The following EPSTI1 variants were observed in gnomAD, a reference collection of about 807,000 sequenced individuals.
The protein encoded by EPSTI1 is epithelial-stromal interaction protein 1.
EPSTI1 carries 66 observed loss-of-function variants against 49.9 expected under a neutral mutation model. The ratio of observed to expected loss-of-function variants is 1.32; its 90% CI spans 1.08 to 1.62. The LOEUF is 1.62. EPSTI1 is among the 40% of genes most tolerant of loss of function. The pLI, the probability that EPSTI1 is intolerant of heterozygous loss-of-function variation, is 0.00. For synonymous variants in EPSTI1, 137 were observed against 130.7 expected, an observed-to-expected ratio of 1.05 and a Z score of -0.33; for missense variants, 394 against 365.5, an observed-to-expected ratio of 1.08 and a Z score of -0.64.
At chr13:42,948,839 A>T (rs921223899) in intron 6 of EPSTI1, among the ~76,000 whole-genome samples, 1 of 152,226 alleles carries the variant, frequency 6.6e-6, no homozygotes, top group African/African-American at 2.4e-5. Flanking sequence ...TTTTAAAACC[A>T]TATGAATATA....
intron 8 of EPSTI1, 34 bp from the exon 9 acceptor site, chr13:42,900,417 C>T (rs1428008665): frequency 6.3e-7 from 1 of 1,590,444 alleles, no homozygotes; most frequent in Non-Finnish European, 8.6e-7. Flanking sequence ...ATATGGTTTT[C>T]AATTAACACA....
intron 7 of EPSTI1, among the ~76,000 whole-genome samples, chr13:42,919,057 T>C (rs1042034168): frequency 1.3e-5 from 2 of 152,214 alleles, no homozygotes; most frequent in Non-Finnish European, 2.9e-5. Context: ...AATATTTAGT[T>C]AAAGCAAAAT....
intron 1 of EPSTI1, among the ~76,000 whole-genome samples, chr13:42,976,929 T>C (rs142211345): frequency 4.6e-5 from 7 of 152,356 alleles, no homozygotes; most frequent in African/African-American, 1.4e-4. Flanking sequence ...CCTGCTTTCA[T>C]TTATAAGTGG....
intron 6 of EPSTI1, among the ~76,000 whole-genome samples, chr13:42,936,127 T>G (rs1237358712): frequency 1.3e-5 from 2 of 152,192 alleles, no homozygotes; most frequent in African/African-American, 4.8e-5. Context: ...GCATTGGTTA[T>G]GTATACTCAG....
chr13:42,942,261 G>A (rs1350368484), intron 6 of EPSTI1, among the ~76,000 whole-genome samples: 1 of 152,086 alleles, frequency 6.6e-6, no homozygotes, highest in Non-Finnish European at 1.5e-5. Context: ...GGCAATCCAA[G>A]AGCTTTTATT....
At chr13:42,921,744 G>A (rs1463952088) in intron 7 of EPSTI1, among the ~76,000 whole-genome samples, 1 of 152,100 alleles carries the variant, frequency 6.6e-6, no homozygotes, top group Non-Finnish European at 1.5e-5. Context: ...GGTGAATCCA[G>A]TGTGCAGAGG....
chr13:42,992,101 CG>C lies in EPSTI1; in HGVS notation c.64del (p.Arg22GlyfsTer13), dbSNP rs778611808. ...CCGCCCAGAAGGGTCCTGGGGATCC[CG>C]GGTCGGGCGGGAGGCAGGGGAGGCG... ...LGASPASRPT[R>X]DPQDPSGRQG... On this transcript the variant is annotated frameshift_variant, in exon 1 of 11. Coordinates refer to ENST00000313624, the MANE Select transcript of EPSTI1 (RefSeq NM_033255.5). LOFTEE classifies it high-confidence loss of function. 3.7e-6 allele frequency: 6 copies of C among 1,611,738 alleles called. No homozygotes were observed. The highest frequency in any genetic ancestry group is 4.2e-6 in the Non-Finnish European group (5 of 1,179,342).
intron 1 of EPSTI1, among the ~76,000 whole-genome samples, chr13:42,974,343 A>C (rs1241148205): frequency 6.6e-6 from 1 of 151,192 alleles, no homozygotes; most frequent in African/African-American, 2.4e-5. Flanking sequence ...TCTCAAAAAA[A>C]AAGAAAAAGA....
chr13:42,959,952 T>A (rs1348879694), intron 5 of EPSTI1, among the ~76,000 whole-genome samples: 2 of 152,212 alleles, frequency 1.3e-5, no homozygotes, highest in Non-Finnish European at 2.9e-5. Context: ...CAATATAGTA[T>A]AACAACTATT....
intron 8 of EPSTI1, among the ~76,000 whole-genome samples, chr13:42,912,255 G>C (rs189206689): frequency 2.0e-5 from 3 of 152,326 alleles, no homozygotes; most frequent in African/African-American, 7.2e-5. Context: ...GCTCCAGGAG[G>C]GAATACTGGG....
chr13:42,904,400 G>A (rs969615851), intron 8 of EPSTI1, among the ~76,000 whole-genome samples: 1 of 152,152 alleles, frequency 6.6e-6, no homozygotes, highest in Non-Finnish European at 1.5e-5. Flanking sequence ...GAGATAAAGT[G>A]TTTCTATTGT....
intron 6 of EPSTI1, among the ~76,000 whole-genome samples, chr13:42,952,549 G>T (rs1307350519): frequency 6.6e-6 from 1 of 152,170 alleles, no homozygotes; most frequent in Non-Finnish European, 1.5e-5. Context: ...ATATCTCTCT[G>T]CAAGACAGAC....
chr13:42,886,752 G>A lies in EPSTI1; in HGVS notation c.*1742C>T, dbSNP rs2036877790. 6.6e-6 allele frequency: 1 copy of A among 152,114 alleles called. No individual in the cohort carries two copies. Among genetic ancestry groups the A allele is most frequent in the Non-Finnish European group, 1.5e-5 (1 of 68,028 alleles). 9.4% of individuals were successfully genotyped at this position (152,114 alleles called of 1,614,324 possible). On this transcript the variant is annotated 3_prime_UTR_variant, in exon 11 of 11. Coordinates refer to ENST00000313624, the MANE Select transcript of EPSTI1 (RefSeq NM_033255.5). The stretch of plus-strand genomic sequence containing the variant: ...CCCACACATATTCTAGATAGTTCTG[G>A]TCATGAAGTAAGTCACAATTTTCCA...
chr13:42,920,441 G>A (rs913730523), intron 7 of EPSTI1, among the ~76,000 whole-genome samples: 1 of 152,122 alleles, frequency 6.6e-6, no homozygotes, highest in African/African-American at 2.4e-5. Context: ...CAAACCTGAA[G>A]ACTTGCTGGA....
intron 1 of EPSTI1, among the ~76,000 whole-genome samples, chr13:42,988,849 G>GGTTT (rs2040132716): frequency 1.9e-5 from 1 of 52,468 alleles, no homozygotes; most frequent in African/African-American, 5.0e-5. Context: ...GCAAATAGGT[G>GGTTT]GTTTATTTAT....
chr13:42,949,605 A>C (rs1379677311), intron 6 of EPSTI1, among the ~76,000 whole-genome samples: 1 of 151,738 alleles, frequency 6.6e-6, no homozygotes, highest in Non-Finnish European at 1.5e-5. Context: ...AAAAAAAAAA[A>C]AAAGAAAAGA....
chr13:42,911,764 A>G (rs2037693522), intron 8 of EPSTI1, among the ~76,000 whole-genome samples: 2 of 152,216 alleles, frequency 1.3e-5, no homozygotes, highest in South Asian at 4.1e-4. Flanking sequence ...ACAAGCTGTT[A>G]GATTTTTATA....
intron 1 of EPSTI1, among the ~76,000 whole-genome samples, chr13:42,989,070 G>A (rs1408513430): frequency 1.6e-5 from 2 of 124,448 alleles, no homozygotes; most frequent in East Asian, 5.1e-4. Context: ...AGAGACAAGG[G>A]ACTCCCTATG....
rs189390080 is a variant in EPSTI1, at chr13:42,953,608, C to T, written c.563+340G>A. On this transcript the variant is annotated intron_variant, in intron 6 of 10. Transcript: ENST00000313624. Reference sequence around the variant, plus strand: ...CAGATAAATCCCTGGTCAGTTTAGACGCTGCTTAGGCACTTCAGTGCAAAC... The same window carrying T: ...CAGATAAATCCCTGGTCAGTTTAGATGCTGCTTAGGCACTTCAGTGCAAAC... 6.3e-4 allele frequency among the ~76,000 whole-genome samples: 96 copies of T among 152,322 alleles called. No individual in the cohort carries two copies. The Middle Eastern group carries it at 0.017, about 27-fold the overall frequency.
Sources: allele counts gnomAD v4.1 joint callset (sites outside exome capture counted in the v4.1 genomes callset), GRCh38; gene constraint gnomAD v4.1.1; transcripts MANE v1.5; gene names NCBI Gene and HGNC (gene_info 2026-07-23, HGNC 2026-07-21).